The following FRAS1 variants were observed in gnomAD, a reference collection of about 807,000 sequenced individuals.
FRAS1 encodes the protein extracellular matrix organizing protein FRAS1.
Under a neutral mutation model 435.2 loss-of-function variants are expected in FRAS1, and 290 were observed. The ratio of observed to expected loss-of-function variants is 0.67; its 90% confidence interval spans 0.61 to 0.73. The LOEUF is 0.73. Ranked by LOEUF, FRAS1 falls within the 30% of genes least tolerant of loss-of-function variation. FRAS1 has a pLI of 0.00. For synonymous variants in FRAS1, 1,800 were observed against 1,851.0 expected (o/e 0.97, Z 0.71); for missense variants, 4,860 against 5,001.5 (o/e 0.97, Z 0.85).
chr4:78,172,085 T>C (rs1241587907), intron 2 of FRAS1, among the ~76,000 whole-genome samples: 3 of 152,146 alleles, frequency 2.0e-5, no homozygotes, highest in Non-Finnish European at 4.4e-5. Context: ...CTGCTCCCTC[T>C]GACCTTCTCT....
At chr4:78,533,053 A>C (rs1496596) in intron 70 of FRAS1, among the ~76,000 whole-genome samples, 66,898 of 151,388 alleles carry the variant, frequency 0.44, 15,280 homozygotes, top group East Asian at 0.79. Context: ...TTTGAGGATG[A>C]TCCATACTGT....
rs771295620 is a variant in FRAS1, at chr4:78,286,365, A to T, written c.1400-40A>T. On this transcript the variant is annotated intron_variant, in intron 13 of 73. Coordinates refer to ENST00000512123, the MANE Select transcript of FRAS1 (RefSeq NM_025074.7). ...GGGGGTGGTGTCTTTCAGCTAATCA[A>T]ATGGTTCCTTTCTCTTTCTTCAACA... 5.0e-6 allele frequency: 8 copies of T among 1,611,324 alleles called. No individual in the cohort carries two copies. The East Asian group carries it at 1.8e-4, about 36-fold the overall frequency.
intron 19 of FRAS1, among the ~76,000 whole-genome samples, chr4:78,335,594 A>G (rs1730139475): frequency 1.3e-5 from 2 of 152,224 alleles, no homozygotes; most frequent in Non-Finnish European, 2.9e-5. Flanking sequence ...TTAGGGATGG[A>G]TTTGATTATC....
chr4:78,522,357 C>T (rs1168433060), intron 68 of FRAS1, among the ~76,000 whole-genome samples: 1 of 152,092 alleles, frequency 6.6e-6, no homozygotes, highest in Non-Finnish European at 1.5e-5. Context: ...CACATAAAGA[C>T]CCCTATTATT....
intron 18 of FRAS1, among the ~76,000 whole-genome samples, chr4:78,322,643 A>G (rs1391993129): frequency 6.6e-6 from 1 of 152,188 alleles, no homozygotes; most frequent in Admixed American, 6.5e-5. Flanking sequence ...ACTTTGAGCC[A>G]CACAACAAAC....
In FRAS1 at chr4:78,333,357, G is replaced by A. The variant is rs1167654661; in HGVS notation, c.2223G>A (p.Gly741=). 1.2e-6 allele frequency: 2 copies of A among 1,612,000 alleles called. No individual in the cohort carries two copies. Among genetic ancestry groups the A allele is most frequent in the East Asian group, 4.5e-5 (2 of 44,806 alleles). ...GGCCTTCCCATGTGCTGTTGGATGG[G>A]CAGTGCCTCTCCCAGTGCCCAGATG... ...DCGPSHVLLD[G]QCLSQCPDGY... The change falls in exon 19 of 74, where the codon GGG becomes GGA. Residue 741 remains glycine (G), a synonymous_variant. Coordinates refer to ENST00000512123, the MANE Select transcript of FRAS1 (RefSeq NM_025074.7).
intron 61 of FRAS1, 53 bp downstream of exon 61, chr4:78,499,974 A>G: frequency 7.5e-7 from 1 of 1,338,342 alleles, no homozygotes; most frequent in Middle Eastern, 2.0e-4. Flanking sequence ...AGGGGCAAAA[A>G]TCTTGTATTT....
At chr4:78,073,089 T>G (rs1740441527) in intron 2 of FRAS1, among the ~76,000 whole-genome samples, 2 of 152,164 alleles carry the variant, frequency 1.3e-5, no homozygotes, top group African/African-American at 4.8e-5. Context: ...GGGAGTAACT[T>G]TGTACCTTTA....
chr4:78,364,025 A>C lies in FRAS1; in HGVS notation c.2693A>C (p.His898Pro). 6.3e-7 allele frequency: 1 copy of C among 1,598,918 alleles called. No homozygotes were observed. Among genetic ancestry groups the C allele is most frequent in the Non-Finnish European group, 8.5e-7 (1 of 1,172,304 alleles). Residue 898 changes from histidine to proline, a missense_variant, in exon 22 of 74, where the codon CAC becomes CCC. His to Pro is a moderately conservative substitution (Grantham distance 77). Transcript: ENST00000512123. ...TGCAGCACCACCTGCTTCCCTGGGC[A>C]CTATCTTGATGACAATCATGTTTGC... is the stretch of plus-strand genomic sequence containing the variant. Reference protein sequence around the residue: ...GTCSTTCFPGHYLDDNHVCQP... With the variant: ...GTCSTTCFPGPYLDDNHVCQP...
chr4:78,162,415 G>C (rs1721180946), intron 2 of FRAS1, among the ~76,000 whole-genome samples: 1 of 152,196 alleles, frequency 6.6e-6, no homozygotes, highest in African/African-American at 2.4e-5. Flanking sequence ...TTATTTCTTT[G>C]ATTTGAAATT....
At chr4:78,390,215 C>A (rs72867958) in intron 29 of FRAS1, among the ~76,000 whole-genome samples, 2,380 of 152,208 alleles carry the variant, frequency 0.016, 61 homozygotes, top group African/African-American at 0.054. Context: ...AGAGTAGAGG[C>A]TATGGGACCT....
intron 70 of FRAS1, among the ~76,000 whole-genome samples, chr4:78,533,891 A>G (rs939216288): frequency 2.0e-5 from 3 of 152,200 alleles, no homozygotes; most frequent in African/African-American, 7.2e-5. Flanking sequence ...TCTTGGGTGA[A>G]GTTATTGAGG....
intron 2 of FRAS1, among the ~76,000 whole-genome samples, chr4:78,113,901 C>G (rs1184907985): frequency 6.6e-6 from 1 of 152,148 alleles, no homozygotes; most frequent in African/African-American, 2.4e-5. Flanking sequence ...GAAGTCCTTG[C>G]CCATGCCTAT....
chr4:78,367,751 A>G (rs1338314831), intron 22 of FRAS1, among the ~76,000 whole-genome samples: 1 of 152,024 alleles, frequency 6.6e-6, no homozygotes, highest in East Asian at 1.9e-4. Flanking sequence ...TGCTTATTTC[A>G]CTTGGTTACT....
intron 2 of FRAS1, among the ~76,000 whole-genome samples, chr4:78,196,624 G>C (rs1722824861): frequency 6.6e-6 from 1 of 151,276 alleles, no homozygotes; most frequent in Admixed American, 6.6e-5. Context: ...TTCCTGAATT[G>C]GTGTCTCTAA....
intron 59 of FRAS1, among the ~76,000 whole-genome samples, chr4:78,491,277 A>G (rs947700094): frequency 2.6e-5 from 4 of 152,334 alleles, no homozygotes; most frequent in African/African-American, 9.6e-5. Context: ...AAACAATAGA[A>G]AAAGAGGGAC....
Position 78,429,135 on chromosome 4 carries a change from C to T in FRAS1, c.4752C>T (p.Thr1584=), listed in dbSNP as rs1045790457. Residue 1584 remains threonine, a synonymous_variant, in exon 36 of 74, where the codon ACC becomes ACT. Transcript: ENST00000512123. ...ACACAAGTCCGGAGATGGTCCTCAC[C>T]ATTCACTTACTTCCCAGTGATCAGC... ...GEHTSPEMVL[T]IHLLPSDQQL... 1 of 1,575,694 alleles carries T rather than the reference C, an allele frequency of 6.3e-7. No homozygotes were observed.
chr4:78,126,114 C>A (rs1417736334), intron 2 of FRAS1, among the ~76,000 whole-genome samples: 2 of 152,196 alleles, frequency 1.3e-5, no homozygotes, highest in Non-Finnish European at 2.9e-5. Context: ...ATGGCAGATG[C>A]CCCTCTGCCT....
At chr4:78,425,611 G>T (rs1438397658) in intron 35 of FRAS1, among the ~76,000 whole-genome samples, 1 of 152,068 alleles carries the variant, frequency 6.6e-6, no homozygotes, top group Non-Finnish European at 1.5e-5. Context: ...AATCGCACTT[G>T]AATCAATAGT....
Sources: allele counts gnomAD v4.1 joint callset (sites outside exome capture counted in the v4.1 genomes callset), GRCh38; gene constraint gnomAD v4.1.1; transcripts MANE v1.5; gene names NCBI Gene and HGNC (gene_info 2026-07-23, HGNC 2026-07-21).